ATXN2: variants seen among roughly 807,000 people sequenced by gnomAD.
ATXN2 encodes ataxin-2.
A neutral mutation model predicts 138.6 loss-of-function variants in ATXN2; 37 were observed. That is an observed-to-expected ratio of 0.27 (90% CI 0.21 to 0.35). ATXN2 has a LOEUF of 0.35. Ranked by LOEUF, ATXN2 falls within the 10% of genes least tolerant of loss-of-function variation. The pLI is 1.00. For synonymous variants in ATXN2, 549 were observed against 543.7 expected, an observed-to-expected ratio of 1.01 and a Z score of -0.13; for missense variants, 1,216 against 1,480.3, an observed-to-expected ratio of 0.82 and a Z score of 2.93.
intron 14 of ATXN2, among the ~76,000 whole-genome samples, chr12:111,506,694 C>T (rs1420274165): frequency 2.0e-5 from 3 of 149,270 alleles, no homozygotes; most frequent in Non-Finnish European, 3.0e-5. Context: ...TCTCTTTCCA[C>T]GGTCTCCCTC....
chr12:111,454,202 A>T (rs571582165), intron 23 of ATXN2: 1 of 175,436 alleles, frequency 5.7e-6, no homozygotes, highest in South Asian at 1.9e-4. Flanking sequence ...TTAATATCAT[A>T]CAAGATTCAA....
At chr12:111,572,170 C>G (rs1408503004) in intron 1 of ATXN2, among the ~76,000 whole-genome samples, 2 of 152,080 alleles carry the variant, frequency 1.3e-5, no homozygotes, top group African/African-American at 4.8e-5. Flanking sequence ...GAGGCCGCAG[C>G]AGGTGGATCA....
At chr12:111,519,442 C>G (rs1880035905) in intron 8 of ATXN2, among the ~76,000 whole-genome samples, 1 of 151,998 alleles carries the variant, frequency 6.6e-6, no homozygotes, top group Admixed American at 6.6e-5. Flanking sequence ...CAACTCTTCT[C>G]TAAGTGTCAA....
intron 1 of ATXN2, among the ~76,000 whole-genome samples, chr12:111,594,134 C>G (rs573656283): frequency 1.3e-5 from 2 of 152,134 alleles, no homozygotes; most frequent in African/African-American, 2.4e-5. Context: ...TCTGCCTAGT[C>G]ACATTAGAAT....
At chr12:111,459,597 T>G (rs1875402691) in intron 21 of ATXN2, among the ~76,000 whole-genome samples, 1 of 151,890 alleles carries the variant, frequency 6.6e-6, no homozygotes, top group Admixed American at 6.6e-5. Context: ...AGCATCACCA[T>G]GCCTGGCTGA....
chr12:111,454,112 A>G (rs1004405990), intron 23 of ATXN2: 62 of 321,514 alleles, frequency 1.9e-4, no homozygotes, highest in African/African-American at 1.3e-3. Context: ...AACCCTTGAC[A>G]TTTCTGATCA....
intron 1 of ATXN2, among the ~76,000 whole-genome samples, chr12:111,579,696 G>A (rs1381095124): frequency 1.3e-5 from 2 of 148,718 alleles, no homozygotes; most frequent in African/African-American, 2.5e-5. Flanking sequence ...TAGTACAGAC[G>A]ACCTTTTTTT....
rs1874870724 is a variant in ATXN2, at chr12:111,453,949, G to A, written c.3271-104C>T. On this transcript the variant is annotated intron_variant, in intron 23 of 24. Transcript: ENST00000673436. This position sits in a 1 kb window ranked among gnomAD's most constrained non-coding sequence, Gnocchi z 5.4. ...GCTGGGACTCTCAGGAAAGGGCAAC[G>A]GTGGGCCTCAGGGCCCAGTTCTGTT... is the stretch of plus-strand genomic sequence containing the variant. 6 of 1,217,586 alleles carry A rather than the reference G, an allele frequency of 4.9e-6. No individual in the cohort carries two copies. Among genetic ancestry groups the A allele is most frequent in the East Asian group, 2.4e-5 (1 of 40,902 alleles). 75.4% of individuals were successfully genotyped at this position (1,217,586 alleles called of 1,614,324 possible).
chr12:111,467,960 G>A (rs560815894), intron 20 of ATXN2, among the ~76,000 whole-genome samples: 1 of 152,322 alleles, frequency 6.6e-6, no homozygotes, highest in African/African-American at 2.4e-5. Context: ...TCAAAAGCAT[G>A]CATACACAAA....
chr12:111,537,452 A>AG (rs1331341751), intron 5 of ATXN2, among the ~76,000 whole-genome samples: 2 of 151,980 alleles, frequency 1.3e-5, no homozygotes, highest in African/African-American at 4.8e-5. Flanking sequence ...GTGTGGTGGC[A>AG]GGCGCCTATA....
At chr12:111,496,862 T>TA (rs61542413) in intron 14 of ATXN2, among the ~76,000 whole-genome samples, 15,269 of 148,368 alleles carry the variant, frequency 0.1, 2,577 homozygotes, top group African/African-American at 0.35. Context: ...GTAGAAGAAA[T>TA]AAAAAAAATC....
At chr12:111,581,221 C>G (rs575490448) in intron 1 of ATXN2, among the ~76,000 whole-genome samples, 8 of 151,800 alleles carry the variant, frequency 5.3e-5, no homozygotes, top group Non-Finnish European at 7.4e-5. Flanking sequence ...ATGAGATACT[C>G]TGGTAAATAA....
rs1335147576 is a variant in ATXN2, at chr12:111,470,552, C to A, written c.2709+6G>T. The A allele has an allele frequency of 6.2e-7, 1 of 1,613,640 alleles. No individual in the cohort carries two copies. The highest frequency in any genetic ancestry group is 8.5e-7 in the Non-Finnish European group (1 of 1,179,636). ...AAAATTAAGAGTTAGGCCTTACCAG[C>A]CTTACCTGAGACTGATAATGTGGCA... On this transcript the variant is annotated splice_donor_region_variant and intron_variant, in intron 19 of 24. Transcript: ENST00000673436.
intron 1 of ATXN2, among the ~76,000 whole-genome samples, chr12:111,565,545 A>ACG (rs1175092739): frequency 2.6e-5 from 4 of 152,164 alleles, no homozygotes; most frequent in African/African-American, 9.7e-5. Context: ...GTAATCGTTG[A>ACG]TGTTACCCTG....
chr12:111,453,905 A>G lies in ATXN2; in HGVS notation c.3271-60T>C, dbSNP rs1378771623. ...CATCTCCGGCTTCAACAACATGTCA[A>G]CTGTGTTCCTTTCACTGGGCTGGGA... On this transcript the variant is annotated intron_variant, in intron 23 of 24. Coordinates refer to ENST00000673436, the MANE Select transcript of ATXN2 (RefSeq NM_001372574.1). This position sits in a 1 kb window ranked among gnomAD's most constrained non-coding sequence, Gnocchi z 5.4. 1.3e-6 allele frequency: 2 copies of G among 1,523,600 alleles called. No individual in the cohort carries two copies. Among genetic ancestry groups the G allele is most frequent in the African/African-American group, 1.4e-5 (1 of 72,988 alleles). 94.4% of individuals were successfully genotyped at this position (1,523,600 alleles called of 1,614,324 possible).
intron 14 of ATXN2, among the ~76,000 whole-genome samples, chr12:111,494,712 C>T (rs1878297756): frequency 6.6e-6 from 1 of 152,160 alleles, no homozygotes; most frequent in African/African-American, 2.4e-5. Context: ...GTGTGAACCA[C>T]TGCACCCAGC....
intron 14 of ATXN2, among the ~76,000 whole-genome samples, chr12:111,501,237 T>C (rs970441147): frequency 1.3e-5 from 2 of 152,122 alleles, no homozygotes; most frequent in Non-Finnish European, 2.9e-5. Flanking sequence ...AAATAAGTGA[T>C]GAGGTTTTTA....
At chr12:111,578,600 T>A (rs901304004) in intron 1 of ATXN2, among the ~76,000 whole-genome samples, 1 of 152,128 alleles carries the variant, frequency 6.6e-6, no homozygotes, top group Non-Finnish European at 1.5e-5. Context: ...TGTACAATGA[T>A]AAGATCACCG....
At chr12:111,523,028 C>G (rs1399241860) in intron 6 of ATXN2, among the ~76,000 whole-genome samples, 3 of 151,710 alleles carry the variant, frequency 2.0e-5, no homozygotes, top group African/African-American at 7.3e-5. Context: ...TGCCAGTAAT[C>G]GCAGCACTTT....
Sources: allele counts gnomAD v4.1 joint callset (sites outside exome capture counted in the v4.1 genomes callset), GRCh38; gene constraint gnomAD v4.1.1; non-coding constraint Gnocchi (gnomAD v3.1); transcripts MANE v1.5; gene names NCBI Gene and HGNC (gene_info 2026-07-23, HGNC 2026-07-21).